VWCE: variants seen among roughly 807,000 people sequenced by gnomAD.
VWCE encodes the protein von Willebrand factor C and EGF domain-containing protein.
A neutral mutation model predicts 102.9 loss-of-function variants in VWCE; 68 were observed. The ratio of observed to expected loss-of-function variants is 0.66; its 90% CI spans 0.54 to 0.81. VWCE has a LOEUF of 0.81. Among genes scored for constraint, VWCE ranks in the 30% least tolerant of loss-of-function variants. VWCE has a pLI of 0.00. For missense variants in VWCE, 1,137 were observed against 1,263.6 expected, an observed-to-expected ratio of 0.90 and a Z score of 1.52; for synonymous variants, 497 against 515.4, an observed-to-expected ratio of 0.96 and a Z score of 0.48.
intron 19 of VWCE, among the ~76,000 whole-genome samples, chr11:61,261,484 T>C (rs1477774942): frequency 6.6e-6 from 1 of 151,994 alleles, no homozygotes; most frequent in Non-Finnish European, 1.5e-5. Context: ...GGCTCATGCC[T>C]GTAATCTCAA....
At chr11:61,286,474 G>T (rs1208582004) in intron 4 of VWCE, 44 bp from the exon 5 acceptor site, 12 of 1,565,986 alleles carry the variant, frequency 7.7e-6, no homozygotes, top group African/African-American at 1.3e-5. Context: ...GTCCTCGCAA[G>T]AGGAACTTAC....
rs2134741130 is a variant in VWCE at position 61,265,232 on chromosome 11, C to T, written c.1966-20G>A. 1.4e-6 allele frequency: 2 copies of T among 1,464,060 alleles called. No individual in the cohort carries two copies. The highest frequency in any genetic ancestry group is 2.8e-5 in the African/African-American group (2 of 70,270). The allele number at this position is 1,464,060 out of a possible 1,614,324, so 90.7% of individuals were successfully genotyped here. On this transcript the variant is annotated intron_variant, in intron 16 of 19. Transcript: ENST00000335613. ...GCCCAGCTGCAGGACACAGAAAACA[C>T]ACAAGGCCCTCGGTTCAGGGCAGCT...
intron 19 of VWCE, among the ~76,000 whole-genome samples, chr11:61,263,459 G>A (rs1055818912): frequency 6.6e-6 from 1 of 152,216 alleles, no homozygotes; most frequent in Admixed American, 6.6e-5. Context: ...AAGAAGCAGA[G>A]AATAGAATCG....
In VWCE at chr11:61,258,839, A is replaced by G. The variant is rs1218162702; in HGVS notation, c.2704T>C (p.Ser902Pro). 3 of 1,513,758 alleles carry G rather than the reference A, an allele frequency of 2.0e-6. No individual in the cohort carries two copies. Among genetic ancestry groups the G allele is most frequent in the Admixed American group, 4.6e-5 (2 of 43,718 alleles). The allele number at this position is 1,513,758 out of a possible 1,614,324, so 93.8% of individuals were successfully genotyped here. Reference sequence around the variant, plus strand: ...TTCGAGGGGCTGGGGTCCATCATGGAAAGTGCTGAAGCTTCCGTCAGGAGG... The same window carrying G: ...TTCGAGGGGCTGGGGTCCATCATGGGAAGTGCTGAAGCTTCCGTCAGGAGG... ...GTLLTEASAL[S>P]MMDPSPSKTP... Residue 902 changes from serine to proline, a missense_variant, in exon 20 of 20, where the codon TCC (serine) becomes CCC (proline). Physicochemically the swap from Ser to Pro is moderately conservative, Grantham distance 74. Coordinates refer to ENST00000335613, the MANE Select transcript of VWCE (RefSeq NM_152718.2).
chr11:61,269,603 G>A (rs764372049), intron 14 of VWCE, among the ~76,000 whole-genome samples: 11 of 151,712 alleles, frequency 7.3e-5, no homozygotes, highest in East Asian at 3.9e-4. Flanking sequence ...GCGCCACCAC[G>A]CCAGGCTAAT....
intron 6 of VWCE, 78 bp from the exon 7 acceptor site, chr11:61,281,992 A>G: frequency 6.5e-7 from 1 of 1,542,500 alleles, no homozygotes; most frequent in Non-Finnish European, 8.8e-7. Flanking sequence ...TTAGCTCAAA[A>G]CACTTGGGGA....
chr11:61,281,328 C>G (rs1365509675), intron 7 of VWCE, 93 bp from the exon 8 acceptor site: 3 of 1,437,104 alleles, frequency 2.1e-6, no homozygotes, highest in Admixed American at 2.0e-5. Flanking sequence ...CACCACAAGT[C>G]CCTGTTCACC....
At chr11:61,280,461 A>C (rs1204183204) in intron 9 of VWCE, among the ~76,000 whole-genome samples, 163 bp downstream of exon 9, 1 of 152,184 alleles carries the variant, frequency 6.6e-6, no homozygotes, top group Non-Finnish European at 1.5e-5. Context: ...TCCCAGACCT[A>C]CTACATCAGA....
chr11:61,262,891 G>T (rs2134732137), intron 19 of VWCE, among the ~76,000 whole-genome samples: 1 of 152,336 alleles, frequency 6.6e-6, no homozygotes, highest in East Asian at 1.9e-4. Context: ...GAGAGCTGCA[G>T]TCCTGTGTTC....
intron 11 of VWCE, 44 bp from the exon 12 acceptor site, chr11:61,274,628 AG>A: frequency 1.9e-6 from 3 of 1,594,616 alleles, no homozygotes; most frequent in Non-Finnish European, 2.6e-6. Flanking sequence ...CTTTGGGCAG[AG>A]GCAGCTAAAG....
chr11:61,273,651 A>C, intron 12 of VWCE: 2 of 259,616 alleles, frequency 7.7e-6, no homozygotes, highest in East Asian at 9.2e-5. Context: ...AAAGCCCTCA[A>C]TGCAGCTGGT....
chr11:61,280,518 A>G (rs1272665636), intron 9 of VWCE, 106 bp downstream of exon 9: 2 of 1,163,040 alleles, frequency 1.7e-6, no homozygotes, highest in Non-Finnish European at 2.4e-6. Flanking sequence ...TAAACCCTCC[A>G]GGAGATTCTA....
Position 61,290,803 on chromosome 11 carries a change from A to C in VWCE, c.420T>G (p.Cys140Trp). The change falls in exon 4 of 20, where the codon TGT becomes TGG. Residue 140 changes from cysteine (C) to tryptophan (W), a missense_variant. Around this residue, in one of 5 missense-constraint regions of VWCE, gnomAD observed 575 missense variants for 625.9 expected, o/e 0.92. Coordinates refer to ENST00000335613, the MANE Select transcript of VWCE (RefSeq NM_152718.2). Reference protein sequence around the residue: ...SMTETAVGIRCTDIDECVTSS... With the variant: ...SMTETAVGIRWTDIDECVTSS... ...CACCACTCCCAGGCGTCTCACCTGT[A>C]CACCTGATGCCAACAGCTGTCTCCG... 6.2e-7 allele frequency: 1 copy of C among 1,609,208 alleles called. No homozygotes were observed. The highest frequency in any genetic ancestry group is 8.5e-7 in the Non-Finnish European group (1 of 1,178,486).
chr11:61,286,264 G>A, intron 5 of VWCE, 50 bp downstream of exon 5: 1 of 1,547,342 alleles, frequency 6.5e-7, no homozygotes, highest in Non-Finnish European at 8.8e-7. Context: ...TGTTCAATGT[G>A]GCATCCCCAT....
At position 61,260,281 on chromosome 11, in the gene VWCE, T is replaced by C. The variant is rs188005363; in HGVS notation, c.2231-969A>G. On this transcript the variant is annotated intron_variant, in intron 19 of 19. Coordinates refer to ENST00000335613, the MANE Select transcript of VWCE (RefSeq NM_152718.2). Reference sequence around the variant, plus strand: ...CCAAAATTTAAAAAAAGGCTTTTTTTTGGGGTGGGGGGGACAGGTTCTCAC... The same window carrying C: ...CCAAAATTTAAAAAAAGGCTTTTTTCTGGGGTGGGGGGGACAGGTTCTCAC... Among the ~76,000 whole-genome samples, 1,213 of 152,054 alleles carry C rather than the reference T, an allele frequency of 8.0e-3. 9 individuals are homozygous for C. The highest frequency in any genetic ancestry group is 0.013 in the Non-Finnish European group (862 of 67,940).
intron 14 of VWCE, among the ~76,000 whole-genome samples, chr11:61,270,936 G>A (rs947309958): frequency 4.0e-5 from 6 of 151,292 alleles, no homozygotes; most frequent in African/African-American, 1.5e-4. Context: ...AGCCTCAGGA[G>A]CTGAGGAAGC....
At chr11:61,265,280 C>A in intron 16 of VWCE, 68 bp from the exon 17 acceptor site, 1 of 1,340,170 alleles carries the variant, frequency 7.5e-7, no homozygotes, top group South Asian at 1.6e-5. Flanking sequence ...AGGAAGATGC[C>A]GCTCCTATAG....
Position 61,264,425 on chromosome 11 carries a change from G to C in VWCE, c.2230+62C>G, listed in dbSNP as rs982841228. The C allele has an allele frequency of 1.2e-5, 18 of 1,507,196 alleles. No homozygotes were observed. The African/African-American group carries it at 1.9e-4, about 16-fold the overall frequency. 93.4% of individuals were successfully genotyped at this position (1,507,196 alleles called of 1,614,324 possible). On this transcript the variant is annotated intron_variant, in intron 19 of 19. Transcript: ENST00000335613. ...AGCCCTTTACAAGTTCTATGTACCG[G>C]GGAAGAAAAGTAAAATGGAAGAAGA...
intron 15 of VWCE, 150 bp downstream of exon 15, chr11:61,268,772 A>G: frequency 1.4e-6 from 1 of 724,116 alleles, no homozygotes; most frequent in Non-Finnish European, 2.2e-6. Flanking sequence ...TGACTTGGGT[A>G]AACTGTTCTA....
Sources: gnomAD v4.1 joint callset for allele counts (sites outside exome capture counted in the v4.1 genomes callset) on GRCh38, gnomAD v4.1.1 for gene constraint, gnomAD v4.1.1 regional missense constraint, MANE v1.5 for transcripts, NCBI Gene and HGNC (gene_info 2026-07-23, HGNC 2026-07-21) for gene names.